The following CTNNA3 variants were observed in gnomAD, a reference collection of about 807,000 sequenced individuals.
CTNNA3 encodes the protein catenin alpha-3.
A neutral mutation model predicts 95.7 loss-of-function variants in CTNNA3; 76 were observed. The observed-to-expected ratio is 0.79, with a 90% confidence interval of 0.66 to 0.96. CTNNA3 has a LOEUF of 0.96. CTNNA3 is among the 40% of genes least tolerant of loss of function. The pLI is 0.00. For synonymous variants in CTNNA3, 431 were observed against 374.4 expected (o/e 1.15, Z -1.74); for missense variants, 1,191 against 1,089.8 (o/e 1.09, Z -1.31).
upstream of CTNNA3, among the ~76,000 whole-genome samples, chr10:67,699,975 C>T (rs533563817): frequency 3.9e-5 from 6 of 152,348 alleles, no homozygotes; most frequent in South Asian, 2.1e-4. Flanking sequence ...GATTATATCC[C>T]GCACATGCTT....
intron 17 of CTNNA3, among the ~76,000 whole-genome samples, chr10:65,938,324 C>T (rs2077375146): frequency 6.6e-6 from 1 of 152,134 alleles, no homozygotes. Flanking sequence ...TGAATTTAAC[C>T]TAATGATACC....
chr10:67,192,445 C>A (rs148829585), intron 6 of CTNNA3, among the ~76,000 whole-genome samples: 1 of 151,532 alleles, frequency 6.6e-6, no homozygotes, highest in Non-Finnish European at 1.5e-5. Context: ...TAAGTAAAGG[C>A]GCTGAATATA....
At chr10:66,006,305 A>G (rs1206189032) in intron 15 of CTNNA3, among the ~76,000 whole-genome samples, 1 of 151,964 alleles carries the variant, frequency 6.6e-6, no homozygotes, top group Non-Finnish European at 1.5e-5. Context: ...GAGCCACTGC[A>G]CCATGCTGCA....
intron 7 of CTNNA3, among the ~76,000 whole-genome samples, chr10:66,782,879 AG>A (rs1156434043): frequency 6.6e-6 from 1 of 152,166 alleles, no homozygotes; most frequent in African/African-American, 2.4e-5. Context: ...ACTTGGTATG[AG>A]GATAAAAATC....
intron 11 of CTNNA3, among the ~76,000 whole-genome samples, chr10:66,489,236 C>G (rs1194762817): frequency 6.6e-6 from 1 of 152,082 alleles, no homozygotes; most frequent in African/African-American, 2.4e-5. Context: ...TATAAACAAT[C>G]AATGGGACAG....
intron 7 of CTNNA3, among the ~76,000 whole-genome samples, chr10:67,083,413 A>G (rs1423560325): frequency 6.6e-6 from 1 of 151,990 alleles, no homozygotes; most frequent in African/African-American, 2.4e-5. Flanking sequence ...AAAAAAAAGT[A>G]TAGTCCTATC....
intron 1 of CTNNA3, among the ~76,000 whole-genome samples, chr10:67,717,072 G>C (rs948958295): frequency 1.3e-5 from 2 of 152,174 alleles, no homozygotes; most frequent in African/African-American, 4.8e-5. Flanking sequence ...CTAATGACCA[G>C]TGATGATGAG....
chr10:66,155,146 G>T (rs2084424880), intron 13 of CTNNA3, among the ~76,000 whole-genome samples: 1 of 151,768 alleles, frequency 6.6e-6, no homozygotes, highest in Non-Finnish European at 1.5e-5. Flanking sequence ...AACTTCTCCA[G>T]CATTCTTTTA....
chr10:67,112,456 A>G (rs989906107), intron 7 of CTNNA3, among the ~76,000 whole-genome samples: 6 of 152,162 alleles, frequency 3.9e-5, no homozygotes, highest in African/African-American at 1.4e-4. Flanking sequence ...TAATCACTAT[A>G]AAGTGGATCT....
chr10:66,752,180 A>G (rs1057163899), intron 9 of CTNNA3, among the ~76,000 whole-genome samples: 12 of 152,170 alleles, frequency 7.9e-5, no homozygotes, highest in African/African-American at 2.9e-4. Context: ...GACTGACAAC[A>G]CCTGATTTCA....
chr10:67,530,761 G>T (rs1840300198), intron 4 of CTNNA3, among the ~76,000 whole-genome samples: 1 of 152,174 alleles, frequency 6.6e-6, no homozygotes, highest in Non-Finnish European at 1.5e-5. Context: ...ATGTCTCCAG[G>T]GCATGTCAGA....
intron 11 of CTNNA3, among the ~76,000 whole-genome samples, chr10:66,400,945 G>A (rs912069336): frequency 2.6e-5 from 4 of 152,016 alleles, no homozygotes; most frequent in African/African-American, 9.7e-5. Context: ...ATAAGTACTG[G>A]GAGTATTCTG....
chr10:66,699,262 G>A (rs746216556), intron 9 of CTNNA3, among the ~76,000 whole-genome samples: 17 of 152,252 alleles, frequency 1.1e-4, no homozygotes, highest in Non-Finnish European at 2.1e-4. Flanking sequence ...TCATATGGTA[G>A]TTCTATTTTT....
At chr10:66,063,202 A>G (rs1445914961) in intron 15 of CTNNA3, among the ~76,000 whole-genome samples, 4 of 119,980 alleles carry the variant, frequency 3.3e-5, no homozygotes, top group Non-Finnish European at 6.9e-5. Flanking sequence ...ATGTATATAT[A>G]TATATATATA....
intron 1 of CTNNA3, among the ~76,000 whole-genome samples, chr10:67,655,804 T>G (rs1011867510): frequency 4.7e-5 from 7 of 150,402 alleles, no homozygotes; most frequent in Non-Finnish European, 8.9e-5. Context: ...AAAAAAAAAT[T>G]TATCTTGAAT....
intron 7 of CTNNA3, among the ~76,000 whole-genome samples, chr10:67,040,592 A>T (rs1051889338): frequency 6.6e-6 from 1 of 152,170 alleles, no homozygotes; most frequent in East Asian, 1.9e-4. Context: ...TTTTTTCTAG[A>T]TGGATTAGAG....
chr10:67,534,290 G>A (rs1326086422), intron 4 of CTNNA3, among the ~76,000 whole-genome samples: 9 of 152,098 alleles, frequency 5.9e-5, no homozygotes, highest in African/African-American at 2.2e-4. Context: ...TGTGATGGCT[G>A]ACTACAGAAT....
At chr10:67,581,467 T>G (rs1842393647) in intron 3 of CTNNA3, among the ~76,000 whole-genome samples, 1 of 152,208 alleles carries the variant, frequency 6.6e-6, no homozygotes, top group Non-Finnish European at 1.5e-5. Context: ...TCACCCTTAT[T>G]TTATTGAGGA....
chr10:66,056,165 T>C (rs1453356420), intron 15 of CTNNA3, among the ~76,000 whole-genome samples: 1 of 152,108 alleles, frequency 6.6e-6, no homozygotes, highest in East Asian at 1.9e-4. Context: ...GGGTTTGTTA[T>C]ATATAGCGTT....
Sources: allele counts gnomAD v4.1 joint callset (sites outside exome capture counted in the v4.1 genomes callset), GRCh38; gene constraint gnomAD v4.1.1; transcripts MANE v1.5; gene names NCBI Gene and HGNC (gene_info 2026-07-23, HGNC 2026-07-21).